Variants in SLC5A8 observed in about 807,000 individuals in gnomAD.
SLC5A8 encodes the protein sodium-coupled monocarboxylate transporter 1.
In SLC5A8, 55 loss-of-function variants were observed where a neutral mutation model predicts 71.9. The observed-to-expected ratio is 0.77, with a 90% CI of 0.62 to 0.96. The LOEUF (loss-of-function observed/expected upper bound fraction) is 0.96. Ranked by LOEUF, SLC5A8 falls within the 40% of genes least tolerant of loss-of-function variation. The probability of loss-of-function intolerance (pLI) is 0.00; values close to 1 mark genes in which losing one functional copy is unlikely to be tolerated. For synonymous variants in SLC5A8, 307 were observed against 276.1 expected, an observed-to-expected ratio of 1.11 and a Z score of -1.11; for missense variants, 701 against 745.3, an observed-to-expected ratio of 0.94 and a Z score of 0.69.
At position 101,166,649 on chromosome 12, in the gene SLC5A8, T is replaced by A; in HGVS notation, c.1371A>T (p.Gly457=). 1 of 1,613,452 alleles carries A rather than the reference T, an allele frequency of 6.2e-7. No homozygotes were observed. The highest frequency in any genetic ancestry group is 8.5e-7 in the Non-Finnish European group (1 of 1,179,856). Reference sequence around the variant, plus strand: ...GTGGAGGATATATTTGAGCTCCAATTCCAACCCATAGAGAAATGGCAAATC... The same window carrying A: ...GTGGAGGATATATTTGAGCTCCAATACCAACCCATAGAGAAATGGCAAATC... The part of the protein sequence containing the change: ...MAGFAISLWV[G]IGAQIYPPLP... Residue 457 remains glycine (G), a synonymous_variant, in exon 12 of 15, where the codon GGA becomes GGT. Transcript: ENST00000536262.
chr12:101,202,272 C>T lies in SLC5A8; in HGVS notation c.418-57G>A, dbSNP rs933780743. 6.3e-5 allele frequency: 88 copies of T among 1,390,710 alleles called. No individual in the cohort carries two copies. In the Middle Eastern group the frequency reaches 9.3e-4, roughly 15 times the overall value. The allele number at this position is 1,390,710 out of a possible 1,614,324, so 86.1% of individuals were successfully genotyped here. ...TATGAATTATAAAATTCATGAATTA[C>T]GTCTGAGTTATAAAATATTGATTGT... On this transcript the variant is annotated intron_variant, in intron 2 of 14. Transcript: ENST00000536262.
At chr12:101,177,284 A>AG (rs1348380330) in intron 10 of SLC5A8, among the ~76,000 whole-genome samples, 2 of 151,770 alleles carry the variant, frequency 1.3e-5, no homozygotes, top group Admixed American at 6.6e-5. Context: ...ACTAAAAAAA[A>AG]TCCAGGCCCA....
intron 10 of SLC5A8, among the ~76,000 whole-genome samples, chr12:101,176,820 A>C (rs561957394): frequency 9.9e-5 from 15 of 152,272 alleles, no homozygotes; most frequent in Non-Finnish European, 1.9e-4. Flanking sequence ...CAATAAATGC[A>C]CACATTAGAA....
rs114734007 is a variant in SLC5A8, at chr12:101,199,832, C to A, written c.469+2332G>T. Among the ~76,000 whole-genome samples, 1,176 of 151,250 alleles carry A rather than the reference C, an allele frequency of 7.8e-3. 11 individuals are homozygous for A. Among genetic ancestry groups the A allele is most frequent in the African/African-American group, 0.027 (1,117 of 41,314 alleles). On this transcript the variant is annotated intron_variant, in intron 3 of 14. Coordinates refer to ENST00000536262, the MANE Select transcript of SLC5A8 (RefSeq NM_145913.5). The stretch of plus-strand genomic sequence containing the variant: ...AATTTTATACTACATCCATGTATTT[C>A]ATTTCCAATGGAAGTGAAAACAGGT...
chr12:101,169,346 C>G (rs11110691), intron 10 of SLC5A8, among the ~76,000 whole-genome samples: 33,738 of 152,090 alleles, frequency 0.22, 3,948 homozygotes, highest in South Asian at 0.33. Context: ...CAGGCCATAG[C>G]TGATATATGG....
intron 10 of SLC5A8, among the ~76,000 whole-genome samples, chr12:101,172,750 G>A (rs2051841987): frequency 6.6e-6 from 1 of 152,158 alleles, no homozygotes; most frequent in African/African-American, 2.4e-5. Flanking sequence ...GGGATTCTTA[G>A]CTATTCTTCA....
rs929497926 is a variant in SLC5A8, at chr12:101,155,660, T to C, written c.*1619A>G. 5 of 151,680 alleles carry C rather than the reference T, an allele frequency of 3.3e-5. No homozygotes were observed. Among genetic ancestry groups the C allele is most frequent in the African/African-American group, 9.7e-5 (4 of 41,406 alleles). The allele number at this position is 151,680 out of a possible 1,614,324, so 9.4% of individuals were successfully genotyped here. On this transcript the variant is annotated 3_prime_UTR_variant, in exon 15 of 15. Coordinates refer to ENST00000536262, the MANE Select transcript of SLC5A8 (RefSeq NM_145913.5). ...TGGCAACATGCCTAGCTAAGTTTTT[T>C]TTATTTTTATTTTTTATTTTTGTAG...
At chr12:101,191,356 A>G (rs1485382083) in intron 5 of SLC5A8, among the ~76,000 whole-genome samples, 1 of 152,198 alleles carries the variant, frequency 6.6e-6, no homozygotes, top group East Asian at 1.9e-4. Context: ...CTTTCTGCAA[A>G]GTTAGCTTTC....
At chr12:101,157,493 C>T in intron 14 of SLC5A8, 92 bp from the exon 15 acceptor site, 1 of 1,427,472 alleles carries the variant, frequency 7.0e-7, no homozygotes, top group Non-Finnish European at 9.3e-7. Context: ...ATTTTTATTT[C>T]TCTGCATCAG....
At chr12:101,180,442 T>C (rs907456052) in intron 9 of SLC5A8, among the ~76,000 whole-genome samples, 3 of 152,246 alleles carry the variant, frequency 2.0e-5, no homozygotes, top group African/African-American at 7.2e-5. Context: ...GGCTCAGGTC[T>C]CTGTTTTCAG....
intron 10 of SLC5A8, among the ~76,000 whole-genome samples, chr12:101,175,035 G>A (rs2051866455): frequency 6.6e-6 from 1 of 151,500 alleles, no homozygotes; most frequent in African/African-American, 2.4e-5. Context: ...TTAACAATTA[G>A]AATTCACTTG....
In SLC5A8 at chr12:101,209,941, C is replaced by T. The variant is rs757807104; in HGVS notation, c.-93G>A. 1.2e-4 allele frequency: 148 copies of T among 1,218,886 alleles called. No homozygotes were observed. The highest frequency in any genetic ancestry group is 1.4e-4 in the Non-Finnish European group (125 of 914,572). The allele number at this position is 1,218,886 out of a possible 1,614,324, so 75.5% of individuals were successfully genotyped here. A position where few individuals can be genotyped will look rare whatever the true frequency, so the allele number is the denominator to read the frequency against. ...CGCACTTCTTATCCCGGATCCCTGG[C>T]GCGCAGGCGTGGCGTCCCGCGGGGA... On this transcript the variant is annotated 5_prime_UTR_variant, in exon 1 of 15. Transcript: ENST00000536262.
intron 12 of SLC5A8, among the ~76,000 whole-genome samples, chr12:101,162,773 C>T (rs767859375): frequency 2.0e-5 from 3 of 151,994 alleles, no homozygotes; most frequent in Non-Finnish European, 1.5e-5. Context: ...AGAGTTTACC[C>T]AAGTAAGAAA....
Position 101,157,110 on chromosome 12 carries a change from T to G in SLC5A8, c.*169A>C. The G allele has an allele frequency of 1.6e-6, 1 of 636,986 alleles. No homozygotes were observed. Among genetic ancestry groups the G allele is most frequent in the East Asian group, 2.8e-5 (1 of 36,362 alleles). 39.5% of individuals were successfully genotyped at this position (636,986 alleles called of 1,614,324 possible). On this transcript the variant is annotated 3_prime_UTR_variant, in exon 15 of 15. Transcript: ENST00000536262. The stretch of plus-strand genomic sequence containing the variant: ...ATTCTAAACTCCAGAGTAACATCAA[T>G]TAATGATGTAGTAAATGAAGATAGT...
chr12:101,186,340 A>G (rs1031430926), intron 7 of SLC5A8, among the ~76,000 whole-genome samples: 2 of 152,174 alleles, frequency 1.3e-5, no homozygotes, highest in Non-Finnish European at 2.9e-5. Context: ...AAACAGCTCC[A>G]GGGTGTTTTT....
intron 3 of SLC5A8, among the ~76,000 whole-genome samples, chr12:101,197,633 G>T (rs1393858529): frequency 6.6e-6 from 1 of 152,070 alleles, no homozygotes; most frequent in Non-Finnish European, 1.5e-5. Context: ...AAATGAAAAG[G>T]AATAGAAGGG....
At chr12:101,187,161 G>A (rs1868680016) in intron 7 of SLC5A8, among the ~76,000 whole-genome samples, 1 of 152,046 alleles carries the variant, frequency 6.6e-6, no homozygotes, top group Non-Finnish European at 1.5e-5. Context: ...TTAACACTCT[G>A]CTTGATTTTT....
chr12:101,166,894 A>G (rs1198405158), intron 11 of SLC5A8, among the ~76,000 whole-genome samples, 195 bp from the exon 12 acceptor site: 1 of 152,180 alleles, frequency 6.6e-6, no homozygotes, highest in Admixed American at 6.5e-5. Flanking sequence ...GAATAAATGA[A>G]TGAAAGGTAT....
intron 12 of SLC5A8, among the ~76,000 whole-genome samples, chr12:101,165,156 G>T (rs564185636): frequency 2.0e-5 from 3 of 152,238 alleles, no homozygotes; most frequent in African/African-American, 7.2e-5. Flanking sequence ...CCAGCACAGT[G>T]CTGGGTACAT....
Sources: gnomAD v4.1 joint callset for allele counts (sites outside exome capture counted in the v4.1 genomes callset) on GRCh38, gnomAD v4.1.1 for gene constraint, MANE v1.5 for transcripts, NCBI Gene and HGNC (gene_info 2026-07-23, HGNC 2026-07-21) for gene names.